GRIP2: variants seen among roughly 807,000 people sequenced by gnomAD.
GRIP2 encodes the protein glutamate receptor-interacting protein 2.
In GRIP2, 58 loss-of-function variants were observed where a neutral mutation model predicts 108.3. The ratio of observed to expected loss-of-function variants is 0.54; its 90% CI spans 0.43 to 0.67. GRIP2 has a LOEUF of 0.67. Ranked by LOEUF, GRIP2 falls within the 30% of genes least tolerant of loss-of-function variation. The pLI, the probability that GRIP2 is intolerant of heterozygous loss-of-function variation, is 0.00. For missense variants in GRIP2, 1,278 were observed against 1,430.6 expected (o/e 0.89, Z 1.72); for synonymous variants, 586 against 598.2 (o/e 0.98, Z 0.30).
chr3:14,573,154 C>A, the GRIP2 span: 5 of 1,435,952 alleles, frequency 3.5e-6, no homozygotes, highest in South Asian at 3.4e-5. Flanking sequence ...AGGAAGAGCA[C>A]CACAGCCAGC....
upstream of GRIP2, chr3:14,542,117 T>C (rs769270105): frequency 8.5e-7 from 1 of 1,176,984 alleles, no homozygotes; most frequent in South Asian, 1.4e-5. Context: ...CTGCCCCTTC[T>C]TTCTCCCTCT....
chr3:14,540,773 G>A (rs897007567), upstream of GRIP2, among the ~76,000 whole-genome samples: 4 of 152,044 alleles, frequency 2.6e-5, no homozygotes, highest in Non-Finnish European at 4.4e-5. This position sits in a 1 kb window ranked among gnomAD's most constrained non-coding sequence, Gnocchi z 4.1. Flanking sequence ...ATGAAGCACA[G>A]ACTCTTTGAC....
At position 14,512,572 on chromosome 3, in the gene GRIP2, G is replaced by A. The variant is rs796212293; in HGVS notation, c.1720+205C>T. Reference sequence around the variant, plus strand: ...CCAGGGGACTGCCATGGTGCAGAACGGGAAGCTGAAGCTTTGGGAAGCTGG... The same window carrying A: ...CCAGGGGACTGCCATGGTGCAGAACAGGAAGCTGAAGCTTTGGGAAGCTGG... On this transcript the variant is annotated intron_variant, in intron 14 of 23. Transcript: ENST00000621039. This position sits in a 1 kb window ranked among gnomAD's most constrained non-coding sequence, Gnocchi z 5.1. Among the ~76,000 whole-genome samples, 27 of 152,306 alleles carry A rather than the reference G, an allele frequency of 1.8e-4. No individual in the cohort carries two copies. Among genetic ancestry groups the A allele is most frequent in the African/African-American group, 6.0e-4 (25 of 41,576 alleles).
the GRIP2 span, chr3:14,573,063 G>T: frequency 7.2e-7 from 1 of 1,389,034 alleles, no homozygotes; most frequent in Non-Finnish European, 1.0e-6. Context: ...GCGCTAGAAG[G>T]CGAAGGAGAG....
At chr3:14,599,800 C>T in the GRIP2 span, among the ~76,000 whole-genome samples, 1 of 151,078 alleles carries the variant, frequency 6.6e-6, no homozygotes, top group African/African-American at 2.4e-5. Context: ...ACCCCCAATC[C>T]CTCAGATAAC....
At chr3:14,542,012 A>G (rs1204447981), upstream of GRIP2, 2 of 1,353,068 alleles carry the variant, frequency 1.5e-6, no homozygotes, top group Middle Eastern at 2.1e-4. Flanking sequence ...AACTGCTCTA[A>G]CAGATCCTCA....
At chr3:14,579,949 G>C in the GRIP2 span, among the ~76,000 whole-genome samples, 1 of 152,252 alleles carries the variant, frequency 6.6e-6, no homozygotes, top group Non-Finnish European at 1.5e-5. Context: ...ACGGGGTGGG[G>C]TGATGGGGTG....
At chr3:14,501,467 A>G (rs570617500) in intron 21 of GRIP2, among the ~76,000 whole-genome samples, 4 of 152,372 alleles carry the variant, frequency 2.6e-5, no homozygotes, top group East Asian at 3.9e-4. Flanking sequence ...TGGATTAGAC[A>G]TTGGTTTGGA....
At chr3:14,576,963 T>G in the GRIP2 span, among the ~76,000 whole-genome samples, 1 of 152,220 alleles carries the variant, frequency 6.6e-6, no homozygotes, top group African/African-American at 2.4e-5. Context: ...CATGAAGCCT[T>G]TCCTAATTAA....
At chr3:14,523,354 C>G (rs1694464799) in intron 5 of GRIP2, 1 of 575,656 alleles carries the variant, frequency 1.7e-6, no homozygotes. Context: ...CTAGGAAGCT[C>G]CAGACTTTGT....
At chr3:14,574,061 C>G in the GRIP2 span, 1 of 1,504,042 alleles carries the variant, frequency 6.6e-7, no homozygotes. Flanking sequence ...GCTGCACGTA[C>G]TTGACGTTCT....
rs768956314 is a variant in GRIP2, at chr3:14,525,466, G to A, written c.228C>T (p.Ser76=). Residue 76 remains serine (S), a synonymous_variant, in exon 3 of 24, where the codon TCC becomes TCT. Transcript: ENST00000621039. Reference sequence around the variant, plus strand: ...CTGCAAGTCCCCCAGGTCTCAGGTTGGAGACCCTGGGCTTTCCATCCTTGT... The same window carrying A: ...CTGCAAGTCCCCCAGGTCTCAGGTTAGAGACCCTGGGCTTTCCATCCTTGT... ...GTDKDGKPRV[S]NLRPGGLAAR... 1.2e-5 allele frequency: 19 copies of A among 1,613,032 alleles called. No individual in the cohort carries two copies. The highest frequency in any genetic ancestry group is 1.5e-5 in the Non-Finnish European group (18 of 1,179,788).
At chr3:14,502,961 A>C (rs1693806834) in intron 21 of GRIP2, among the ~76,000 whole-genome samples, 1 of 152,228 alleles carries the variant, frequency 6.6e-6, no homozygotes, top group African/African-American at 2.4e-5. Context: ...ATAAAATATA[A>C]TTGCTCTCAG....
chr3:14,579,961 G>A, the GRIP2 span, among the ~76,000 whole-genome samples: 5 of 152,212 alleles, frequency 3.3e-5, no homozygotes, highest in African/African-American at 1.2e-4. Flanking sequence ...GATGGGGTGA[G>A]GCTGTCCATC....
At chr3:14,523,117 C>T (rs781716564) in intron 5 of GRIP2, 42 bp from the exon 6 acceptor site, 2 of 1,483,870 alleles carry the variant, frequency 1.3e-6, no homozygotes, top group Non-Finnish European at 9.2e-7. Context: ...TCCACCCACC[C>T]CTTCCCATCC....
chr3:14,567,051 T>C, the GRIP2 span, among the ~76,000 whole-genome samples: 3,851 of 151,752 alleles, frequency 0.025, 92 homozygotes, highest in East Asian at 0.14. Context: ...AATGAATGAA[T>C]GAACGTCAAC....
chr3:14,512,930 A>G lies in GRIP2; in HGVS notation c.1640-73T>C. The G allele has an allele frequency of 2.9e-6, 4 of 1,371,586 alleles. No homozygotes were observed. Among genetic ancestry groups the G allele is most frequent in the Non-Finnish European group, 4.2e-6 (4 of 960,476 alleles). 85.0% of individuals were successfully genotyped at this position (1,371,586 alleles called of 1,614,324 possible). A position where few individuals can be genotyped will look rare whatever the true frequency, so the allele number is the denominator to read the frequency against. On this transcript the variant is annotated intron_variant, in intron 13 of 23. Coordinates refer to ENST00000621039, the MANE Select transcript of GRIP2 (RefSeq NM_001080423.4). The surrounding 1 kb of genome is among the most constrained non-coding windows in gnomAD (Gnocchi z 5.1). ...CTCAGCGAACCCCAGCCCCATGCCC[A>G]TTCTGGCTGTGCTGGGAGTGACCCC...
At chr3:14,548,711 C>G (rs924515396) in intron 1 of GRIP2, among the ~76,000 whole-genome samples, 1 of 152,238 alleles carries the variant, frequency 6.6e-6, no homozygotes, top group African/African-American at 2.4e-5. Flanking sequence ...TACACTGTCT[C>G]ATGGAATCTT....
chr3:14,582,109 C>T, the GRIP2 span, among the ~76,000 whole-genome samples: 1 of 152,220 alleles, frequency 6.6e-6, no homozygotes, highest in Non-Finnish European at 1.5e-5. Flanking sequence ...AGGAAAGCCA[C>T]AGTTATACTC....
Sources: allele counts gnomAD v4.1 joint callset (sites outside exome capture counted in the v4.1 genomes callset), GRCh38; gene constraint gnomAD v4.1.1; non-coding constraint Gnocchi (gnomAD v3.1); transcripts MANE v1.5; gene names NCBI Gene and HGNC (gene_info 2026-07-23, HGNC 2026-07-21).